The following SGCD variants were observed in gnomAD, a reference collection of about 807,000 sequenced individuals.
The protein encoded by SGCD is sarcoglycan delta.
In SGCD, 18 loss-of-function variants were observed where a neutral mutation model predicts 36.6. The ratio of observed to expected loss-of-function variants is 0.49; its 90% confidence interval spans 0.34 to 0.73. SGCD has a LOEUF of 0.73. SGCD is among the 30% of genes least tolerant of loss of function. The probability of loss-of-function intolerance (pLI) is 0.01; values close to 1 mark genes in which losing one functional copy is unlikely to be tolerated. For missense variants in SGCD, 387 were observed against 346.7 expected (o/e 1.12, Z -0.92); for synonymous variants, 133 against 130.6 (o/e 1.02, Z -0.12).
At chr5:156,175,906 T>G (rs1763455428) in intron 3 of SGCD, among the ~76,000 whole-genome samples, 1 of 152,066 alleles carries the variant, frequency 6.6e-6, no homozygotes, top group African/African-American at 2.4e-5. Flanking sequence ...GTGGACACAT[T>G]CTTACCTAAA....
At chr5:156,657,328 G>A (rs1763728814) in intron 7 of SGCD, among the ~76,000 whole-genome samples, 1 of 151,306 alleles carries the variant, frequency 6.6e-6, no homozygotes, top group Non-Finnish European at 1.5e-5. Context: ...CATGTGCCAT[G>A]TTGGTGTGCT....
At chr5:156,485,621 A>G (rs1755625102) in intron 3 of SGCD, among the ~76,000 whole-genome samples, 1 of 152,030 alleles carries the variant, frequency 6.6e-6, no homozygotes, top group Admixed American at 6.5e-5. Flanking sequence ...ACGCCATTGC[A>G]CTCTAGCCTG....
chr5:156,602,223 C>G (rs1469419097), intron 6 of SGCD, among the ~76,000 whole-genome samples: 1 of 151,942 alleles, frequency 6.6e-6, no homozygotes, highest in Non-Finnish European at 1.5e-5. Context: ...AATGGGATTG[C>G]TTTCTTGATA....
the SGCD span, among the ~76,000 whole-genome samples, chr5:155,816,093 T>C: frequency 6.6e-6 from 1 of 152,146 alleles, no homozygotes; most frequent in Non-Finnish European, 1.5e-5. Flanking sequence ...CTTTCAAGAA[T>C]TTGAAATTTG....
chr5:156,408,186 G>A (rs1416837857), intron 3 of SGCD, among the ~76,000 whole-genome samples: 2 of 152,082 alleles, frequency 1.3e-5, no homozygotes, highest in Non-Finnish European at 2.9e-5. Flanking sequence ...TGAAGTATGA[G>A]TGTTTCTTGA....
chr5:156,206,721 G>A (rs1299224684), intron 3 of SGCD, among the ~76,000 whole-genome samples: 1 of 151,846 alleles, frequency 6.6e-6, no homozygotes, highest in African/African-American at 2.4e-5. Flanking sequence ...GTTTGGCAGT[G>A]AATAATTTTT....
At chr5:156,288,347 G>A (rs931132921) in intron 3 of SGCD, among the ~76,000 whole-genome samples, 2 of 152,100 alleles carry the variant, frequency 1.3e-5, no homozygotes, top group African/African-American at 2.4e-5. Context: ...CATAAGGGCC[G>A]CTTTCTCTTT....
Position 156,519,678 on chromosome 5 carries a change from G to T in SGCD, c.294+10976G>T, listed in dbSNP as rs902357751. Among the ~76,000 whole-genome samples the T allele has an allele frequency of 7.9e-5, 12 of 152,140 alleles. 1 individual carries two copies. The highest frequency in any genetic ancestry group is 5.9e-4 in the Admixed American group (9 of 15,276). On this transcript the variant is annotated intron_variant, in intron 4 of 8. Transcript: ENST00000337851. ...CCAAAAGCTTATCCACTACAATCAAGTCTGTTTCATCTCTGGAAAGCAGGG... is the reference window on the plus strand; with the variant it reads ...CCAAAAGCTTATCCACTACAATCAATTCTGTTTCATCTCTGGAAAGCAGGG...
rs1162405028 is a variant in SGCD, at chr5:156,763,923, A to G, written c.*4533A>G. ...CAGAGTATCTTGCTTTATTTTATAA[A>G]GGCCAAAGGTAGTATGAAGTTTGGA... On this transcript the variant is annotated 3_prime_UTR_variant, in exon 9 of 9. Coordinates refer to ENST00000337851, the MANE Select transcript of SGCD (RefSeq NM_000337.6). The G allele has an allele frequency of 6.6e-6, 1 of 152,212 alleles. No homozygotes were observed. The highest frequency in any genetic ancestry group is 1.5e-5 in the Non-Finnish European group (1 of 68,046). The allele number at this position is 152,212 out of a possible 1,614,324, so 9.4% of individuals were successfully genotyped here.
At chr5:156,283,182 G>C (rs1048555439) in intron 3 of SGCD, among the ~76,000 whole-genome samples, 5 of 152,146 alleles carry the variant, frequency 3.3e-5, no homozygotes, top group Non-Finnish European at 7.4e-5. Context: ...AGGATGGGCA[G>C]GGTTTCTCCA....
At chr5:156,728,360 A>G (rs1383398104) in intron 7 of SGCD, among the ~76,000 whole-genome samples, 1 of 151,980 alleles carries the variant, frequency 6.6e-6, no homozygotes, top group Non-Finnish European at 1.5e-5. Flanking sequence ...CAAATTTCCA[A>G]AACTAGCCGA....
chr5:156,740,617 G>A (rs1027343450), intron 7 of SGCD, among the ~76,000 whole-genome samples: 10 of 152,116 alleles, frequency 6.6e-5, no homozygotes, highest in African/African-American at 2.4e-4. Context: ...GTTTTAACTT[G>A]GGTTACCTCT....
At position 155,973,402 on chromosome 5, in the gene SGCD, C is replaced by G. The variant is rs149731030; in HGVS notation, c.-282+102978C>G. On this transcript the variant is annotated intron_variant, in intron 1 of 9. Coordinates refer to the SGCD transcript ENST00000517913. ...GTTTTTAAGGAGAATGTGGCTAAGT[C>G]GTGCCAGCACAAGTGTTAACTTCTT... 2.2e-4 allele frequency among the ~76,000 whole-genome samples: 33 copies of G among 152,244 alleles called. No individual in the cohort carries two copies. The East Asian group carries it at 6.2e-3, about 28-fold the overall frequency.
At chr5:156,600,062 C>T (rs1761128532) in intron 6 of SGCD, among the ~76,000 whole-genome samples, 1 of 152,006 alleles carries the variant, frequency 6.6e-6, no homozygotes. Flanking sequence ...TACAGGCAAA[C>T]ATACAATTTG....
chr5:156,181,741 G>A (rs1763611836), intron 3 of SGCD, among the ~76,000 whole-genome samples: 2 of 152,182 alleles, frequency 1.3e-5, no homozygotes, highest in South Asian at 2.1e-4. Flanking sequence ...TGCAATGCTT[G>A]TTTAACCATT....
intron 3 of SGCD, among the ~76,000 whole-genome samples, chr5:156,412,875 A>G (rs547384372): frequency 6.7e-6 from 1 of 149,522 alleles, no homozygotes; most frequent in Admixed American, 6.7e-5. Context: ...GGCTCACTGC[A>G]AGCTCTGCTT....
At chr5:156,285,583 A>C (rs868569724) in intron 3 of SGCD, among the ~76,000 whole-genome samples, 1 of 152,130 alleles carries the variant, frequency 6.6e-6, no homozygotes, top group African/African-American at 2.4e-5. Context: ...AAAGGATTCC[A>C]TATTTAATAA....
At chr5:156,518,996 A>T (rs532082361) in intron 4 of SGCD, among the ~76,000 whole-genome samples, 8 of 152,098 alleles carry the variant, frequency 5.3e-5, no homozygotes, top group Non-Finnish European at 1.0e-4. Flanking sequence ...AAGTTACCAA[A>T]ATCAGGGCAG....
upstream of SGCD, among the ~76,000 whole-genome samples, chr5:155,865,542 G>A (rs1315419896): frequency 6.6e-6 from 1 of 152,128 alleles, no homozygotes; most frequent in Admixed American, 6.6e-5. Context: ...TGAAAAGTTA[G>A]TTGCATTGTG....
Sources: gnomAD v4.1 joint callset for allele counts (sites outside exome capture counted in the v4.1 genomes callset) on GRCh38, gnomAD v4.1.1 for gene constraint, MANE v1.5 for transcripts, NCBI Gene and HGNC (gene_info 2026-07-23, HGNC 2026-07-21) for gene names.